SMARCD3: variants seen among roughly 807,000 people sequenced by gnomAD.
SMARCD3 encodes SWI/SNF-related matrix-associated actin-dependent regulator of chromatin subfamily D member 3.
Under a neutral mutation model 58.0 loss-of-function variants are expected in SMARCD3, and 14 were observed. That is an observed-to-expected ratio of 0.24 (90% CI 0.16 to 0.38). The LOEUF (loss-of-function observed/expected upper bound fraction) is 0.38, where lower values mean the gene tolerates loss of function less well. Among genes scored for constraint, SMARCD3 ranks in the 10% least tolerant of loss-of-function variants. The pLI is 1.00. For missense variants in SMARCD3, 408 were observed against 636.9 expected (o/e 0.64, Z 3.87); for synonymous variants, 253 against 253.8 (o/e 1.00, Z 0.03).
upstream of SMARCD3, among the ~76,000 whole-genome samples, chr7:151,249,132 G>A (rs1178439223): frequency 6.6e-6 from 1 of 152,016 alleles, no homozygotes; most frequent in African/African-American, 2.4e-5. This position sits in a 1 kb window ranked among gnomAD's most constrained non-coding sequence, Gnocchi z 4.8. Context: ...CTGCATTTCT[G>A]AGGCCCTTTC....
chr7:151,256,189 T>A lies in SMARCD3; in HGVS notation c.40-10518A>T, dbSNP rs190563465. Among the ~76,000 whole-genome samples the A allele has an allele frequency of 3.1e-3, 465 of 149,424 alleles. 6 individuals carry two copies. Among genetic ancestry groups the A allele is most frequent in the African/African-American group, 0.011 (437 of 40,348 alleles). On this transcript the variant is annotated intron_variant, in intron 2 of 13. Coordinates refer to the SMARCD3 transcript ENST00000356800. ...GAGCCACTGCGCCTGGCTTTTTTTT[T>A]TTTTATTTTTGAAACAGAGTGTCGC...
At position 151,239,706 on chromosome 7, in the gene SMARCD3, T is replaced by C; in HGVS notation, c.1214A>G (p.Gln405Arg). The C allele has an allele frequency of 3.1e-6, 5 of 1,613,862 alleles. No individual in the cohort carries two copies. Among genetic ancestry groups the C allele is most frequent in the Non-Finnish European group, 4.2e-6 (5 of 1,179,832 alleles). ...TIESINQLKI[Q>R]RDFMLSFSRD... ...GGAGAAGCTTAGCATGAAGTCCCTC[T>C]GGATCTTGAGCTGGTTTATGGACTC... The change falls in exon 11 of 13, where the codon CAG becomes CGG. Residue 405 changes from glutamine (Q) to arginine (R), a missense_variant. By Grantham distance (43) the Gln-to-Arg change is conservative (BLOSUM62 1). Transcript: ENST00000262188. This position sits in a 1 kb window ranked among gnomAD's most constrained non-coding sequence, Gnocchi z 7.0.
At chr7:151,267,830 A>G (rs1184860402) in intron 2 of SMARCD3, among the ~76,000 whole-genome samples, 2 of 152,064 alleles carry the variant, frequency 1.3e-5, no homozygotes, top group Admixed American at 6.6e-5. Flanking sequence ...TAAATATATT[A>G]GCCGGGTATG....
chr7:151,239,605 C>T lies in SMARCD3; in HGVS notation c.1296+19G>A. The T allele has an allele frequency of 6.2e-7, 1 of 1,614,068 alleles. No individual in the cohort carries two copies. The highest frequency in any genetic ancestry group is 1.3e-5 in the African/African-American group (1 of 75,018). ...GTGCTTGTCTTCCACTCCAGTACTCCCTGAGTCTCCCTCTTCACCTTGAGG... is the reference window on the plus strand; with the variant it reads ...GTGCTTGTCTTCCACTCCAGTACTCTCTGAGTCTCCCTCTTCACCTTGAGG... On this transcript the variant is annotated intron_variant, in intron 11 of 12. Coordinates refer to ENST00000262188, the MANE Select transcript of SMARCD3 (RefSeq NM_001003801.2). The surrounding 1 kb of genome is among the most constrained non-coding windows in gnomAD (Gnocchi z 7.0).
At chr7:151,272,721 A>G (rs1176306280) in intron 2 of SMARCD3, among the ~76,000 whole-genome samples, 9 of 152,260 alleles carry the variant, frequency 5.9e-5, no homozygotes, top group African/African-American at 1.7e-4. Context: ...GCCCTCCTCT[A>G]CGGTCCTTTA....
chr7:151,239,287 G>C lies in SMARCD3; in HGVS notation c.1398+109C>G. ...GAGGGCCATTGCATGGTGAGGCAGC[G>C]TGGTGAAGCTTTACTGTGGGGAGCT... On this transcript the variant is annotated intron_variant, in intron 12 of 12. Coordinates refer to ENST00000262188, the MANE Select transcript of SMARCD3 (RefSeq NM_001003801.2). This position sits in a 1 kb window ranked among gnomAD's most constrained non-coding sequence, Gnocchi z 7.0. 3 of 1,309,670 alleles carry C rather than the reference G, an allele frequency of 2.3e-6. No homozygotes were observed. The South Asian group carries it at 3.5e-5, about 15-fold the overall frequency. The allele number at this position is 1,309,670 out of a possible 1,614,324, so 81.1% of individuals were successfully genotyped here. A position where few individuals can be genotyped will look rare whatever the true frequency, so the allele number is the denominator to read the frequency against.
chr7:151,277,084 C>T (rs1431045889), upstream of SMARCD3: 3 of 149,820 alleles, frequency 2.0e-5, no homozygotes, highest in African/African-American at 4.9e-5. Context: ...CACCTGCTCC[C>T]CCGGGACCCC....
At chr7:151,254,351 G>A (rs1803630649) in intron 2 of SMARCD3, 1 of 152,412 alleles carries the variant, frequency 6.6e-6, no homozygotes, top group Non-Finnish European at 1.5e-5. Flanking sequence ...CAGGGATCTG[G>A]GGGGCAGCCT....
chr7:151,243,585 T>G lies in SMARCD3; in HGVS notation c.333+74A>C. 1.2e-6 allele frequency: 1 copy of G among 835,266 alleles called. No homozygotes were observed. The highest frequency in any genetic ancestry group is 1.7e-5 in the African/African-American group (1 of 60,232). 51.7% of individuals were successfully genotyped at this position (835,266 alleles called of 1,614,324 possible). Reference sequence around the variant, plus strand: ...AGTGACTGTGATGCTGAAGCTCTGCTTCTGAGGGGGGAGGGGAGGGCGGAG... The same window carrying G: ...AGTGACTGTGATGCTGAAGCTCTGCGTCTGAGGGGGGAGGGGAGGGCGGAG... On this transcript the variant is annotated intron_variant, in intron 3 of 12. Coordinates refer to ENST00000262188, the MANE Select transcript of SMARCD3 (RefSeq NM_001003801.2). This position sits in a 1 kb window ranked among gnomAD's most constrained non-coding sequence, Gnocchi z 4.4.
intron 2 of SMARCD3, among the ~76,000 whole-genome samples, chr7:151,269,198 G>A (rs1584897127): frequency 6.6e-6 from 1 of 152,350 alleles, no homozygotes; most frequent in Non-Finnish European, 1.5e-5. Flanking sequence ...ACTGAGGCAG[G>A]AAAAGGCAAA....
At chr7:151,260,800 G>A (rs1031707629) in intron 2 of SMARCD3, among the ~76,000 whole-genome samples, 8 of 152,188 alleles carry the variant, frequency 5.3e-5, no homozygotes, top group Admixed American at 2.0e-4. Context: ...TAGGAGAAGC[G>A]ATGAGAACAG....
chr7:151,239,807 AG>A lies in SMARCD3; in HGVS notation c.1174-62del. 7.2e-7 allele frequency: 1 copy of A among 1,391,968 alleles called. No individual in the cohort carries two copies. The highest frequency in any genetic ancestry group is 1.2e-5 in the South Asian group (1 of 86,698). The allele number at this position is 1,391,968 out of a possible 1,614,324, so 86.2% of individuals were successfully genotyped here. On this transcript the variant is annotated intron_variant, in intron 10 of 12. Coordinates refer to ENST00000262188, the MANE Select transcript of SMARCD3 (RefSeq NM_001003801.2). This position sits in a 1 kb window ranked among gnomAD's most constrained non-coding sequence, Gnocchi z 7.0. Reference sequence around the variant, plus strand: ...TTGGTGATGTGGGAGACGAGGGGAAAGGAAGCGGGTGGGAAGGGGAGGGAGA... The same window carrying A: ...TTGGTGATGTGGGAGACGAGGGGAAAGAAGCGGGTGGGAAGGGGAGGGAGA...
intron 2 of SMARCD3, among the ~76,000 whole-genome samples, chr7:151,256,180 CTTT>C (rs79100193): frequency 7.1e-6 from 1 of 141,198 alleles, no homozygotes; most frequent in Non-Finnish European, 1.5e-5. Context: ...CTGCGCCTGG[CTTT>C]TTTTTTTTTT....
chr7:151,250,939 C>T (rs540003683), upstream of SMARCD3, among the ~76,000 whole-genome samples: 1 of 152,218 alleles, frequency 6.6e-6, no homozygotes, highest in Non-Finnish European at 1.5e-5. Flanking sequence ...ACCATGGGTG[C>T]GTCTAGCAGG....
intron 2 of SMARCD3, among the ~76,000 whole-genome samples, chr7:151,272,407 C>G (rs1241513224): frequency 6.6e-6 from 1 of 152,108 alleles, no homozygotes; most frequent in African/African-American, 2.4e-5. Flanking sequence ...TACCTGAAAC[C>G]CTTTTCAGGA....
chr7:151,271,406 A>G (rs553003481), intron 2 of SMARCD3, among the ~76,000 whole-genome samples: 1 of 151,984 alleles, frequency 6.6e-6, no homozygotes, highest in Non-Finnish European at 1.5e-5. Flanking sequence ...CTTCAGCTTG[A>G]ATTTCCTTGC....
chr7:151,240,305 C>G, intron 9 of SMARCD3, 58 bp from the exon 10 acceptor site: 3 of 1,611,448 alleles, frequency 1.9e-6, no homozygotes, highest in East Asian at 2.2e-5. Flanking sequence ...CCCAGGGCCC[C>G]GGGGCTGGGG....
At position 151,245,470 on chromosome 7, in the gene SMARCD3, G is replaced by T; in HGVS notation, c.280C>A (p.Arg94=). ...QGQPVPTAPA[R]SRSAKRRKMA... ...GGGCCTCCCACTCACCTGCGGCTCC[G>T]CGCGGGGGCGGTGGGCACCGGCTGG... The change falls in exon 2 of 13, where the codon CGG becomes AGG. Residue 94 remains arginine (R), a synonymous_variant. Coordinates refer to ENST00000262188, the MANE Select transcript of SMARCD3 (RefSeq NM_001003801.2). This position sits in a 1 kb window ranked among gnomAD's most constrained non-coding sequence, Gnocchi z 6.2. 8.2e-7 allele frequency: 1 copy of T among 1,218,288 alleles called. No homozygotes were observed. The highest frequency in any genetic ancestry group is 1.0e-6 in the Non-Finnish European group (1 of 977,246). 75.5% of individuals were successfully genotyped at this position (1,218,288 alleles called of 1,614,324 possible).
At chr7:151,263,162 G>C (rs1803971143) in intron 2 of SMARCD3, among the ~76,000 whole-genome samples, 1 of 152,180 alleles carries the variant, frequency 6.6e-6, no homozygotes, top group Non-Finnish European at 1.5e-5. Flanking sequence ...TTTTCATCCA[G>C]GTAGCCTGTG....
Sources: gnomAD v4.1 joint callset for allele counts (sites outside exome capture counted in the v4.1 genomes callset) on GRCh38, gnomAD v4.1.1 for gene constraint, Gnocchi (gnomAD v3.1) non-coding constraint, MANE v1.5 for transcripts, NCBI Gene and HGNC (gene_info 2026-07-23, HGNC 2026-07-21) for gene names.